Variants in RGL1 observed in about 807,000 individuals in gnomAD.
RGL1 encodes the protein ral guanine nucleotide dissociation stimulator like 1.
A neutral mutation model predicts 95.2 loss-of-function variants in RGL1; 24 were observed. The ratio of observed to expected loss-of-function variants is 0.25; its 90% confidence interval spans 0.18 to 0.35. The LOEUF (loss-of-function observed/expected upper bound fraction) is 0.35. Among genes scored for constraint, RGL1 ranks in the 10% least tolerant of loss-of-function variants. The pLI, the probability that RGL1 is intolerant of heterozygous loss-of-function variation, is 1.00. For missense variants in RGL1, 715 were observed against 936.3 expected (o/e 0.76, Z 3.08); for synonymous variants, 329 against 344.9 (o/e 0.95, Z 0.51).
intron 1 of RGL1, among the ~76,000 whole-genome samples, chr1:183,729,428 T>C (rs1349073852): frequency 6.6e-6 from 1 of 152,150 alleles, no homozygotes; most frequent in Non-Finnish European, 1.5e-5. Flanking sequence ...TACACATCCG[T>C]TAGAACATTA....
chr1:183,883,722 T>C, intron 5 of RGL1, 64 bp from the exon 6 acceptor site: 1 of 1,581,358 alleles, frequency 6.3e-7, no homozygotes, highest in East Asian at 2.2e-5. Context: ...TAAAGTCTGA[T>C]GACTCTATAA....
At chr1:183,732,824 C>G (rs1390102404) in intron 1 of RGL1, among the ~76,000 whole-genome samples, 2 of 152,156 alleles carry the variant, frequency 1.3e-5, no homozygotes, top group African/African-American at 2.4e-5. Context: ...CCAGTAAGGT[C>G]CTTCCCATAG....
chr1:183,798,374 A>T (rs1331821569), intron 2 of RGL1, among the ~76,000 whole-genome samples: 1 of 152,262 alleles, frequency 6.6e-6, no homozygotes, highest in East Asian at 1.9e-4. Flanking sequence ...TATGACTGAG[A>T]TGCAGAATGC....
chr1:183,877,604 A>G (rs949145305), intron 4 of RGL1, among the ~76,000 whole-genome samples: 7 of 152,008 alleles, frequency 4.6e-5, no homozygotes, highest in African/African-American at 7.3e-5. Context: ...CTCGTGTTCT[A>G]TTGTGCTGTT....
rs148543716 is a variant in RGL1 at position 183,877,283 on chromosome 1, C to T, written c.426-3333C>T. On this transcript the variant is annotated intron_variant, in intron 4 of 17. Transcript: ENST00000360851. ...CAGCTGTAAGATTCTTTACATCCCCCCACTCTGTTCTGGTTAATATATAAG... is the reference window on the plus strand; with the variant it reads ...CAGCTGTAAGATTCTTTACATCCCCTCACTCTGTTCTGGTTAATATATAAG... 3.9e-5 allele frequency among the ~76,000 whole-genome samples: 6 copies of T among 152,314 alleles called. No individual in the cohort carries two copies. The East Asian group carries it at 1.2e-3, about 29-fold the overall frequency.
intron 1 of RGL1, among the ~76,000 whole-genome samples, chr1:183,707,350 C>A (rs183822637): frequency 4.6e-5 from 7 of 152,262 alleles, no homozygotes; most frequent in African/African-American, 1.7e-4. Flanking sequence ...GAGGTAGGAT[C>A]TTCTGGAAAT....
At chr1:183,827,032 C>T (rs1156953060) in intron 2 of RGL1, among the ~76,000 whole-genome samples, 3 of 152,158 alleles carry the variant, frequency 2.0e-5, no homozygotes, top group Non-Finnish European at 2.9e-5. Flanking sequence ...AAGCAATTCT[C>T]GTGCCTTAGC....
At chr1:183,829,432 C>A (rs1243806833) in intron 2 of RGL1, among the ~76,000 whole-genome samples, 14 of 149,432 alleles carry the variant, frequency 9.4e-5, no homozygotes, top group Non-Finnish European at 1.9e-4. Context: ...CAGAACAAGA[C>A]CCTGCTTAAA....
At chr1:183,641,958 A>G (rs914648575) in intron 1 of RGL1, among the ~76,000 whole-genome samples, 5 of 152,196 alleles carry the variant, frequency 3.3e-5, no homozygotes, top group Admixed American at 2.0e-4. Flanking sequence ...TTTTCTTATA[A>G]TTATTTTAGT....
At chr1:183,913,072 TGA>T (rs991230165) in intron 15 of RGL1, among the ~76,000 whole-genome samples, 2 of 151,848 alleles carry the variant, frequency 1.3e-5, no homozygotes, top group Non-Finnish European at 2.9e-5. Context: ...AGGAAACTGA[TGA>T]GAGGTGATAA....
intron 3 of RGL1, among the ~76,000 whole-genome samples, chr1:183,855,859 C>A (rs1041953279): frequency 3.9e-5 from 6 of 152,162 alleles, no homozygotes; most frequent in Non-Finnish European, 8.8e-5. Context: ...TAATGTTTAA[C>A]TTCCATCACT....
At chr1:183,694,059 C>T (rs1050182385) in intron 1 of RGL1, among the ~76,000 whole-genome samples, 1 of 152,226 alleles carries the variant, frequency 6.6e-6, no homozygotes, top group Non-Finnish European at 1.5e-5. Context: ...GTCTCTTTAA[C>T]TTCTCATTTA....
intron 2 of RGL1, among the ~76,000 whole-genome samples, chr1:183,762,364 G>A (rs995256550): frequency 1.3e-5 from 2 of 152,180 alleles, no homozygotes; most frequent in Non-Finnish European, 2.9e-5. Flanking sequence ...TCATGTCTCA[G>A]GGAATAGAAA....
intron 1 of RGL1, among the ~76,000 whole-genome samples, chr1:183,662,042 G>T (rs943434966): frequency 6.7e-6 from 1 of 149,596 alleles, no homozygotes; most frequent in Non-Finnish European, 1.5e-5. Context: ...AATAAATTAG[G>T]TATTGATGGG....
rs370198309 is a variant in RGL1, at chr1:183,648,258, C to T, written c.-33+11757C>T. The stretch of plus-strand genomic sequence containing the variant: ...CCGCGGCCATAAGCTGGCCAGGCTC[C>T]GGAGAGCTTCGCGGTTCCATGCTGA... On this transcript the variant is annotated intron_variant, in intron 1 of 18. Coordinates refer to the RGL1 transcript ENST00000304685. The T allele has an allele frequency of 5.8e-5, 93 of 1,613,980 alleles. 1 individual carries two copies. The Admixed American group carries it at 7.0e-4, about 12-fold the overall frequency.
intron 2 of RGL1, among the ~76,000 whole-genome samples, chr1:183,831,210 C>T (rs987257030): frequency 6.6e-6 from 1 of 152,020 alleles, no homozygotes; most frequent in East Asian, 1.9e-4. Context: ...TAAGTACTGC[C>T]CAATGAAAAG....
chr1:183,668,013 G>A (rs1558144037), intron 1 of RGL1, among the ~76,000 whole-genome samples: 1 of 133,028 alleles, frequency 7.5e-6, no homozygotes, highest in Admixed American at 7.4e-5. Flanking sequence ...ATGTGTGTGT[G>A]TGTGTGTGTG....
At chr1:183,734,474 G>A (rs933796973) in intron 1 of RGL1, among the ~76,000 whole-genome samples, 1 of 152,190 alleles carries the variant, frequency 6.6e-6, no homozygotes, top group Non-Finnish European at 1.5e-5. Context: ...AATATTGAAT[G>A]CACTGTGGTG....
chr1:183,843,378 A>G (rs893683114), intron 2 of RGL1, among the ~76,000 whole-genome samples: 3 of 152,232 alleles, frequency 2.0e-5, no homozygotes, highest in Non-Finnish European at 2.9e-5. Flanking sequence ...TACAGGAATC[A>G]TGTATGCATA....
Sources: allele counts gnomAD v4.1 joint callset (sites outside exome capture counted in the v4.1 genomes callset), GRCh38; gene constraint gnomAD v4.1.1; transcripts MANE v1.5; gene names NCBI Gene and HGNC (gene_info 2026-07-23, HGNC 2026-07-21).